The following AFDN variants were observed in gnomAD, a reference collection of about 807,000 sequenced individuals.
AFDN encodes afadin.
AFDN carries 68 observed loss-of-function variants against 216.6 expected under a neutral mutation model. The observed-to-expected ratio is 0.31, with a 90% CI of 0.26 to 0.38. AFDN has a LOEUF of 0.38. Among genes scored for constraint, AFDN ranks in the 10% least tolerant of loss-of-function variants. The pLI is 1.00. For synonymous variants in AFDN, 868 were observed against 853.7 expected, an observed-to-expected ratio of 1.02 and a Z score of -0.29; for missense variants, 2,136 against 2,342.0, an observed-to-expected ratio of 0.91 and a Z score of 1.82.
At chr6:167,864,811 G>A (rs966603168) in intron 2 of AFDN, 65 bp downstream of exon 2, 145 of 1,496,288 alleles carry the variant, frequency 9.7e-5, no homozygotes, top group Non-Finnish European at 1.3e-4. Context: ...AGCTTGTCCA[G>A]GGTCATTGTG....
intron 1 of AFDN, among the ~76,000 whole-genome samples, chr6:167,836,557 CAA>C (rs1445912754): frequency 6.6e-6 from 1 of 152,170 alleles, no homozygotes; most frequent in South Asian, 2.1e-4. Flanking sequence ...GTAGTAAAAA[CAA>C]AATGTCAGAG....
intron 28 of AFDN, 51 bp downstream of exon 28, chr6:167,947,995 G>A (rs369377820): frequency 2.2e-6 from 3 of 1,378,984 alleles, no homozygotes; most frequent in African/African-American, 1.4e-5. Flanking sequence ...CATCCTTAGG[G>A]TTCCCTTTGG....
chr6:167,964,189 G>A, intron 31 of AFDN: 1 of 1,064,004 alleles, frequency 9.4e-7, no homozygotes, highest in African/African-American at 1.6e-5. Flanking sequence ...CTGTAAAAAG[G>A]CGAATAACCT....
intron 32 of AFDN, chr6:167,968,529 AT>A (rs1306987642): frequency 6.6e-6 from 1 of 152,606 alleles, no homozygotes; most frequent in African/African-American, 2.4e-5. Context: ...TGCTGTCAGT[AT>A]TTGCTAAATA....
intron 5 of AFDN, 114 bp from the exon 6 acceptor site, chr6:167,880,246 C>A: frequency 1.1e-6 from 1 of 923,670 alleles, no homozygotes; most frequent in Non-Finnish European, 1.7e-6. Context: ...ATTGTCTTTA[C>A]ACTCATTTTA....
intron 18 of AFDN, 91 bp from the exon 19 acceptor site, chr6:167,915,077 A>C: frequency 4.5e-6 from 6 of 1,330,720 alleles, no homozygotes; most frequent in South Asian, 1.3e-5. Context: ...ACTTACTACC[A>C]TAGGTACCAT....
chr6:167,918,669 AGTT>A (rs1457930159), intron 20 of AFDN, 63 bp from the exon 21 acceptor site: 2 of 1,428,090 alleles, frequency 1.4e-6, no homozygotes, highest in Non-Finnish European at 2.0e-6. Context: ...GCCTTTGAAT[AGTT>A]GTTGGTCACA....
intron 11 of AFDN, 107 bp downstream of exon 11, chr6:167,898,574 A>C (rs1788563484): frequency 7.9e-7 from 1 of 1,262,498 alleles, no homozygotes; most frequent in African/African-American, 1.5e-5. Context: ...TTTTAAAAAA[A>C]TATCAAAGTG....
At chr6:167,887,049 C>CATCTGATA (rs1235693906) in intron 6 of AFDN, among the ~76,000 whole-genome samples, 1 of 149,928 alleles carries the variant, frequency 6.7e-6, no homozygotes, top group Non-Finnish European at 1.5e-5. Flanking sequence ...CCTGGTGTTG[C>CATCTGATA]ATCTGATACC....
intron 30 of AFDN, among the ~76,000 whole-genome samples, chr6:167,953,530 G>A (rs1220150831): frequency 6.6e-6 from 1 of 152,064 alleles, no homozygotes; most frequent in African/African-American, 2.4e-5. Flanking sequence ...TTATTACATT[G>A]TTTTACTACT....
intron 27 of AFDN, among the ~76,000 whole-genome samples, chr6:167,947,337 G>A (rs1244511017): frequency 1.3e-5 from 2 of 151,938 alleles, no homozygotes; most frequent in African/African-American, 2.4e-5. Flanking sequence ...CCACCACCAC[G>A]CCCGGCTAAT....
intron 32 of AFDN, among the ~76,000 whole-genome samples, chr6:167,966,678 A>G (rs536679640): frequency 2.0e-5 from 3 of 152,250 alleles, no homozygotes; most frequent in East Asian, 3.9e-4. Context: ...TTATAATTCT[A>G]TTATAAGTTT....
chr6:167,856,038 G>A (rs954542078), intron 1 of AFDN, among the ~76,000 whole-genome samples: 2 of 152,122 alleles, frequency 1.3e-5, no homozygotes, highest in African/African-American at 4.8e-5. Flanking sequence ...ACCTCTGGCT[G>A]TCCAGCTATG....
At chr6:167,836,310 T>C (rs1437782639) in intron 1 of AFDN, among the ~76,000 whole-genome samples, 1 of 152,212 alleles carries the variant, frequency 6.6e-6, no homozygotes, top group Non-Finnish European at 1.5e-5. Context: ...TTAGGCCTTC[T>C]GGCACTTGTC....
intron 23 of AFDN, 97 bp from the exon 24 acceptor site, chr6:167,943,028 GTGTA>G (rs1794877581): frequency 3.7e-6 from 3 of 809,538 alleles, no homozygotes; most frequent in Non-Finnish European, 2.0e-6. Flanking sequence ...GCAGTTATCT[GTGTA>G]CATGTTGGGT....
intron 31 of AFDN, chr6:167,964,810 C>T: frequency 1.9e-6 from 2 of 1,066,258 alleles, no homozygotes; most frequent in Non-Finnish European, 2.3e-6. Context: ...CAGCATTAAA[C>T]ATTTACTCGA....
intron 28 of AFDN, 67 bp from the exon 29 acceptor site, chr6:167,948,226 C>A (rs1795555303): frequency 9.6e-6 from 13 of 1,349,774 alleles, no homozygotes; most frequent in Middle Eastern, 3.7e-4. Flanking sequence ...TAAAACAGAT[C>A]ATTGAAAATC....
At chr6:167,865,603 A>G (rs1411871029) in intron 2 of AFDN, among the ~76,000 whole-genome samples, 1 of 152,216 alleles carries the variant, frequency 6.6e-6, no homozygotes, top group Non-Finnish European at 1.5e-5. Flanking sequence ...ACACAGTGAG[A>G]CTTTGTCTCT....
rs748980319 is a variant in AFDN, at chr6:167,914,732, A to G, written c.2293A>G (p.Lys765Glu). The change falls in exon 18 of 34, where the codon AAA (lysine) becomes GAA (glutamate). Residue 765 changes from lysine to glutamate, a missense_variant. By Grantham distance (56) the Lys-to-Glu change is moderately conservative. Transcript: ENST00000683244. ...TGAAGAGAACAGTCTGCAACGACCA[A>G]AAATAGGTTAGGATGTTTTCTGACT... ...DPEENSLQRP[K>E]IDDVLHTLTG... 3 of 1,604,660 alleles carry G rather than the reference A, an allele frequency of 1.9e-6. No individual in the cohort carries two copies. Among genetic ancestry groups the G allele is most frequent in the South Asian group, 1.1e-5 (1 of 90,860 alleles).
Sources: gnomAD v4.1 joint callset for allele counts (sites outside exome capture counted in the v4.1 genomes callset) on GRCh38, gnomAD v4.1.1 for gene constraint, MANE v1.5 for transcripts, NCBI Gene and HGNC (gene_info 2026-07-23, HGNC 2026-07-21) for gene names.